DOCK2: variants seen among roughly 807,000 people sequenced by gnomAD.
DOCK2 encodes dedicator of cytokinesis 2.
Under a neutral mutation model 248.9 loss-of-function variants are expected in DOCK2, and 87 were observed. That is an observed-to-expected ratio of 0.35 (90% CI 0.29 to 0.42). DOCK2 has a LOEUF of 0.42. Among genes scored for constraint, DOCK2 ranks in the 10% least tolerant of loss-of-function variants. DOCK2 has a pLI of 1.00. For synonymous variants in DOCK2, 805 were observed against 821.6 expected (o/e 0.98, Z 0.35); for missense variants, 1,747 against 2,300.2 (o/e 0.76, Z 4.92).
chr5:169,972,696 C>G (rs1777566541), intron 27 of DOCK2, among the ~76,000 whole-genome samples: 1 of 152,150 alleles, frequency 6.6e-6, no homozygotes, highest in Admixed American at 6.5e-5. Flanking sequence ...TCATACCTGA[C>G]ATAGCTCCTT....
In DOCK2 at chr5:169,932,408, G is replaced by C. The variant is rs535322380; in HGVS notation, c.2800-50660G>C. On this transcript the variant is annotated intron_variant, in intron 27 of 51. Coordinates refer to ENST00000520908, the MANE Select transcript of DOCK2 (RefSeq NM_004946.3). ...AAGGCAGGTAGGTGACATGAAGTAGGGAGAGAATGGGGAAGGAAGATGGCA... is the reference window on the plus strand; with the variant it reads ...AAGGCAGGTAGGTGACATGAAGTAGCGAGAGAATGGGGAAGGAAGATGGCA... Among the ~76,000 whole-genome samples the C allele has an allele frequency of 4.4e-4, 67 of 152,290 alleles. 2 individuals carry two copies. Among genetic ancestry groups the C allele is most frequent in the South Asian group, 3.9e-3 (19 of 4,828 alleles).
chr5:169,812,967 A>G (rs1767847766), intron 26 of DOCK2, among the ~76,000 whole-genome samples: 1 of 152,260 alleles, frequency 6.6e-6, no homozygotes, highest in Non-Finnish European at 1.5e-5. Flanking sequence ...GGGAAGCGGC[A>G]GATGCTGCTG....
chr5:169,780,645 C>T (rs911547261), intron 25 of DOCK2, among the ~76,000 whole-genome samples: 8 of 152,098 alleles, frequency 5.3e-5, no homozygotes, highest in African/African-American at 1.9e-4. Context: ...TGTTTTCTCT[C>T]TGTATTCCCA....
rs1325076228 is a variant in DOCK2, at chr5:169,897,684, G to T, written c.2799+56832G>T. Reference sequence around the variant, plus strand: ...AAGACAGAAGTTCCCTCAAACTCAAGTAATGCAACTCTGCCTTGTGACGGG... The same window carrying T: ...AAGACAGAAGTTCCCTCAAACTCAATTAATGCAACTCTGCCTTGTGACGGG... On this transcript the variant is annotated intron_variant, in intron 27 of 51. Coordinates refer to ENST00000520908, the MANE Select transcript of DOCK2 (RefSeq NM_004946.3). 2.6e-5 allele frequency among the ~76,000 whole-genome samples: 4 copies of T among 152,232 alleles called. No homozygotes were observed. In the East Asian group the frequency reaches 7.7e-4, roughly 29 times the overall value.
rs768920725 is a variant in DOCK2, at chr5:170,028,027, C to T, written c.3467+79C>T. 294 of 1,348,212 alleles carry T rather than the reference C, an allele frequency of 2.2e-4. 2 individuals carry two copies. The highest frequency in any genetic ancestry group is 1.0e-3 in the South Asian group (66 of 66,028). 83.5% of individuals were successfully genotyped at this position (1,348,212 alleles called of 1,614,324 possible). A position where few individuals can be genotyped will look rare whatever the true frequency, so the allele number is the denominator to read the frequency against. ...GAGGGCTCAGAACTCCAGGGGGCTC[C>T]GAGTGGCTCTGTCCTCCCCTGGAGA... On this transcript the variant is annotated intron_variant, in intron 34 of 51. Transcript: ENST00000520908.
chr5:169,882,759 T>C, intron 27 of DOCK2: 1 of 1,551,804 alleles, frequency 6.4e-7, no homozygotes, highest in Non-Finnish European at 8.7e-7. Context: ...AAAGAGAGGA[T>C]GGGAGATGAT....
At chr5:169,640,770 T>G (rs1371140453) in intron 1 of DOCK2, among the ~76,000 whole-genome samples, 2 of 152,234 alleles carry the variant, frequency 1.3e-5, no homozygotes, top group Admixed American at 1.3e-4. Context: ...TCCTTATTTC[T>G]TAGGAGTTTC....
intron 45 of DOCK2, 26 bp from the exon 46 acceptor site, chr5:170,069,111 C>T: frequency 6.2e-7 from 1 of 1,607,388 alleles, no homozygotes; most frequent in Non-Finnish European, 8.5e-7. Context: ...AACAGGAAAC[C>T]CTGACCTCCT....
rs532187731 is a variant in DOCK2 at position 170,052,643 on chromosome 5, G to C, written c.4213+2246G>C. Among the ~76,000 whole-genome samples, 60 of 152,284 alleles carry C rather than the reference G, an allele frequency of 3.9e-4. 1 individual carries two copies. The South Asian group carries it at 0.012, about 30-fold the overall frequency. Reference sequence around the variant, plus strand: ...TACAAAGCTAGTTAGTGATGGAACTGGTACTTGAACCCCATGATCTGTCTG... The same window carrying C: ...TACAAAGCTAGTTAGTGATGGAACTCGTACTTGAACCCCATGATCTGTCTG... On this transcript the variant is annotated intron_variant, in intron 41 of 51. Coordinates refer to ENST00000520908, the MANE Select transcript of DOCK2 (RefSeq NM_004946.3).
chr5:170,008,433 C>G (rs1755149540), intron 30 of DOCK2, 64 bp from the exon 31 acceptor site: 2 of 1,530,052 alleles, frequency 1.3e-6, no homozygotes, highest in Non-Finnish European at 1.8e-6. Context: ...TTCACACTAC[C>G]CAGCGCTTAT....
rs1241316922 is a variant in DOCK2 at position 170,082,917 on chromosome 5, A to T, written c.*59A>T. The T allele has an allele frequency of 6.2e-7, 1 of 1,608,922 alleles. No individual in the cohort carries two copies. Among genetic ancestry groups the T allele is most frequent in the East Asian group, 2.2e-5 (1 of 44,844 alleles). On this transcript the variant is annotated 3_prime_UTR_variant, in exon 52 of 52. Coordinates refer to ENST00000520908, the MANE Select transcript of DOCK2 (RefSeq NM_004946.3). Reference sequence around the variant, plus strand: ...GGGAGGGGAGTTTCTGGAAGAGGAAAGCCATGCGTGGAACATCGAAGCCTC... The same window carrying T: ...GGGAGGGGAGTTTCTGGAAGAGGAATGCCATGCGTGGAACATCGAAGCCTC...
chr5:169,975,453 C>T (rs774791699), intron 27 of DOCK2, among the ~76,000 whole-genome samples: 6 of 152,172 alleles, frequency 3.9e-5, no homozygotes, highest in Non-Finnish European at 7.3e-5. Context: ...CAGACTGCTG[C>T]CTGTCTCTCT....
chr5:169,800,944 C>CTTTTTTTTTTTTTTTTTTTTTTTTT (rs60140740), intron 25 of DOCK2, among the ~76,000 whole-genome samples: 27 of 53,194 alleles, frequency 5.1e-4, no homozygotes, highest in Admixed American at 8.4e-4. Flanking sequence ...TTCTTTCTTT[C>CTTTTTTTTTTTTTTTTTTTTTTTTT]TTTTTTTTTT....
At position 169,765,001 on chromosome 5, in the gene DOCK2, A is replaced by G. The variant is rs138325868; in HGVS notation, c.2554+3376A>G. ...TGTTTGTGTTACTACAGGCTCCAAC[A>G]TAGTTACATAGTTTTGGACACTTGA... On this transcript the variant is annotated intron_variant, in intron 25 of 51. Coordinates refer to ENST00000520908, the MANE Select transcript of DOCK2 (RefSeq NM_004946.3). Among the ~76,000 whole-genome samples the G allele has an allele frequency of 2.8e-3, 422 of 152,046 alleles. 2 individuals are homozygous for G. The highest frequency in any genetic ancestry group is 4.2e-3 in the Non-Finnish European group (283 of 67,996).
At chr5:170,069,260 C>A in intron 46 of DOCK2, 40 bp downstream of exon 46, 1 of 1,600,524 alleles carries the variant, frequency 6.2e-7, no homozygotes, top group Non-Finnish European at 8.5e-7. Flanking sequence ...TGCTCTCCTT[C>A]CTCTCCCCCC....
chr5:170,025,830 T>G (rs1473852200), intron 33 of DOCK2, among the ~76,000 whole-genome samples: 1 of 123,450 alleles, frequency 8.1e-6, no homozygotes, highest in Admixed American at 8.5e-5. Context: ...CTTCCTTCCT[T>G]CCTTCCTTCC....
intron 29 of DOCK2, among the ~76,000 whole-genome samples, chr5:169,988,605 T>C (rs577752958): frequency 6.6e-6 from 1 of 152,232 alleles, no homozygotes; most frequent in Admixed American, 6.5e-5. Flanking sequence ...CTCCGCCTCC[T>C]GGGTTCAAGT....
intron 27 of DOCK2, among the ~76,000 whole-genome samples, chr5:169,865,643 A>G (rs930750255): frequency 2.0e-5 from 3 of 152,236 alleles, no homozygotes; most frequent in Admixed American, 6.5e-5. Flanking sequence ...ACCTGGTTTC[A>G]TACCAGGGGT....
chr5:170,078,229 T>G (rs1387669421), intron 48 of DOCK2, among the ~76,000 whole-genome samples: 3 of 152,138 alleles, frequency 2.0e-5, no homozygotes, highest in Non-Finnish European at 4.4e-5. Flanking sequence ...ATGTCTCCAT[T>G]GCAGAGCTCT....
Sources: allele counts gnomAD v4.1 joint callset (sites outside exome capture counted in the v4.1 genomes callset), GRCh38; gene constraint gnomAD v4.1.1; transcripts MANE v1.5; gene names NCBI Gene and HGNC (gene_info 2026-07-23, HGNC 2026-07-21).